Variants in TASP1 observed in about 807,000 individuals in gnomAD.
TASP1 encodes the protein taspase 1, also known as threonine aspartase 1.
A neutral mutation model predicts 56.6 loss-of-function variants in TASP1; 16 were observed. That is an observed-to-expected ratio of 0.28 (90% CI 0.19 to 0.43). The LOEUF is 0.43. Among genes scored for constraint, TASP1 ranks in the 20% least tolerant of loss-of-function variants. The pLI, the probability that TASP1 is intolerant of heterozygous loss-of-function variation, is 1.00. For missense variants in TASP1, 393 were observed against 511.6 expected (o/e 0.77, Z 2.24); for synonymous variants, 179 against 184.2 (o/e 0.97, Z 0.23).
At chr20:13,123,128 C>T in the TASP1 span, among the ~76,000 whole-genome samples, 1 of 152,152 alleles carries the variant, frequency 6.6e-6, no homozygotes, top group African/African-American at 2.4e-5. Context: ...GTCAGGAGTT[C>T]GAGACCAGCC....
At chr20:13,390,516 C>T in intron 13 of TASP1, 64 bp from the exon 14 acceptor site, 2 of 1,463,894 alleles carry the variant, frequency 1.4e-6, no homozygotes, top group Non-Finnish European at 1.9e-6. Flanking sequence ...CACACCCCTA[C>T]CCGTGTCCAA....
At chr20:13,250,237 A>C in the TASP1 span, among the ~76,000 whole-genome samples, 2 of 152,140 alleles carry the variant, frequency 1.3e-5, no homozygotes, top group Admixed American at 6.5e-5. Context: ...CCATTATCAG[A>C]TTATACACTG....
the TASP1 span, among the ~76,000 whole-genome samples, chr20:13,298,028 A>G: frequency 2.6e-5 from 4 of 152,226 alleles, no homozygotes; most frequent in Admixed American, 6.5e-5. Context: ...ACTGAGTCCT[A>G]TAAATCTTCC....
chr20:13,628,027 C>T (rs6131493), intron 2 of TASP1, among the ~76,000 whole-genome samples: 1 of 152,218 alleles, frequency 6.6e-6, no homozygotes, highest in Admixed American at 6.5e-5. Context: ...CTATCTCTAC[C>T]TACATAAATG....
chr20:13,114,375 T>A, the TASP1 span, among the ~76,000 whole-genome samples: 1 of 152,240 alleles, frequency 6.6e-6, no homozygotes, highest in Non-Finnish European at 1.5e-5. Flanking sequence ...CAACTCATAG[T>A]GGTTGAGAAT....
intron 11 of TASP1, among the ~76,000 whole-genome samples, chr20:13,476,051 G>A (rs6042151): frequency 0.049 from 7,504 of 152,150 alleles, 254 homozygotes; most frequent in African/African-American, 0.097. Context: ...TCCAGGAGGC[G>A]GAGACTGCAG....
the TASP1 span, among the ~76,000 whole-genome samples, chr20:13,149,684 AC>A: frequency 1.3e-5 from 2 of 152,208 alleles, no homozygotes; most frequent in Non-Finnish European, 2.9e-5. Flanking sequence ...GAAGAATAAA[AC>A]ATTTAGTTCT....
At chr20:13,330,782 G>A in the TASP1 span, among the ~76,000 whole-genome samples, 2 of 152,136 alleles carry the variant, frequency 1.3e-5, no homozygotes, top group East Asian at 1.9e-4. Context: ...CATCTGGATT[G>A]TAGAATTTAT....
chr20:13,309,354 A>G, the TASP1 span, among the ~76,000 whole-genome samples: 1 of 152,174 alleles, frequency 6.6e-6, no homozygotes, highest in East Asian at 1.9e-4. Context: ...TGAAGAGAGT[A>G]TTTGACAAAA....
At chr20:13,288,673 A>G in the TASP1 span, 2 of 1,613,788 alleles carry the variant, frequency 1.2e-6, no homozygotes, top group South Asian at 1.1e-5. Flanking sequence ...GTGACCGTCC[A>G]AACTGCCCAG....
chr20:13,190,539 A>G, the TASP1 span, among the ~76,000 whole-genome samples: 1 of 152,128 alleles, frequency 6.6e-6, no homozygotes, highest in Non-Finnish European at 1.5e-5. Context: ...TATACACAAG[A>G]ATGAAATTAG....
chr20:13,511,469 C>A (rs573938342), intron 10 of TASP1, among the ~76,000 whole-genome samples: 1 of 152,192 alleles, frequency 6.6e-6, no homozygotes, highest in East Asian at 1.9e-4. Context: ...TAACTGCAAC[C>A]CAAAGCACCC....
chr20:13,110,156 G>C, the TASP1 span: 1 of 1,613,490 alleles, frequency 6.2e-7, no homozygotes, highest in Non-Finnish European at 8.5e-7. Flanking sequence ...TGTCATCTAT[G>C]GCCAGCCTCG....
the TASP1 span, among the ~76,000 whole-genome samples, chr20:13,108,442 G>C: frequency 2.6e-5 from 4 of 152,156 alleles, no homozygotes; most frequent in African/African-American, 9.7e-5. Context: ...AAAGTTGAAG[G>C]GCTCTCCATT....
At chr20:13,391,588 C>A (rs1229440459) in intron 13 of TASP1, among the ~76,000 whole-genome samples, 3 of 152,080 alleles carry the variant, frequency 2.0e-5, no homozygotes, top group Non-Finnish European at 4.4e-5. Flanking sequence ...CTGTGGAGAT[C>A]TCAATGGGGC....
the TASP1 span, among the ~76,000 whole-genome samples, chr20:13,229,809 C>G: frequency 5.9e-4 from 90 of 152,290 alleles, no homozygotes; most frequent in African/African-American, 2.1e-3. Context: ...TTGGTTGCCA[C>G]TTGTTTCATA....
At chr20:13,616,316 T>C (rs537914790) in intron 4 of TASP1, among the ~76,000 whole-genome samples, 210 of 152,184 alleles carry the variant, frequency 1.4e-3, no homozygotes, top group Middle Eastern at 6.8e-3. Flanking sequence ...CAAAATGAAG[T>C]ATATTTTTGA....
chr20:13,277,540 G>A, the TASP1 span, among the ~76,000 whole-genome samples: 1 of 152,078 alleles, frequency 6.6e-6, no homozygotes, highest in South Asian at 2.1e-4. Flanking sequence ...CTGAGCTTCT[G>A]TGTGGGTCCC....
chr20:13,471,160 A>G (rs2044474604), intron 11 of TASP1, among the ~76,000 whole-genome samples: 1 of 152,206 alleles, frequency 6.6e-6, no homozygotes, highest in African/African-American at 2.4e-5. Flanking sequence ...CCAGAGTAGG[A>G]GGGCAGGAAA....
Sources: allele counts gnomAD v4.1 joint callset (sites outside exome capture counted in the v4.1 genomes callset), GRCh38; gene constraint gnomAD v4.1.1; transcripts MANE v1.5; gene names NCBI Gene and HGNC (gene_info 2026-07-23, HGNC 2026-07-21).